Variants in PRIM2 observed in about 807,000 individuals in gnomAD.
PRIM2 encodes the protein DNA primase subunit 2, also known as DNA primase large subunit.
In PRIM2, 39 loss-of-function variants were observed where a neutral mutation model predicts 67.3. The ratio of observed to expected loss-of-function variants is 0.58; its 90% CI spans 0.45 to 0.76. The LOEUF (loss-of-function observed/expected upper bound fraction) is 0.76, where lower values mean the gene tolerates loss of function less well. Ranked by LOEUF, PRIM2 falls within the 30% of genes least tolerant of loss-of-function variation. PRIM2 has a pLI of 0.00. For synonymous variants in PRIM2, 143 were observed against 198.7 expected (o/e 0.72, Z 2.36); for missense variants, 398 against 598.7 (o/e 0.66, Z 3.50).
chr6:57,607,077 C>T (rs1776577189), intron 12 of PRIM2, among the ~76,000 whole-genome samples: 2 of 152,146 alleles, frequency 1.3e-5, no homozygotes, highest in Non-Finnish European at 2.9e-5. Flanking sequence ...AGTGTGCTTT[C>T]AAGTTGACTG....
intron 10 of PRIM2, among the ~76,000 whole-genome samples, chr6:57,582,938 T>A (rs1220010295): frequency 1.8e-5 from 1 of 55,828 alleles, no homozygotes; most frequent in African/African-American, 7.3e-5. Context: ...CCCTCCCCCC[T>A]CCCCCCACCC....
chr6:57,546,733 A>G (rs1165866253), intron 10 of PRIM2, among the ~76,000 whole-genome samples: 4 of 152,062 alleles, frequency 2.6e-5, no homozygotes, highest in Non-Finnish European at 4.4e-5. Flanking sequence ...ATTTAGATGC[A>G]TATTATACTT....
At chr6:57,548,315 C>A (rs1260179188) in intron 10 of PRIM2, among the ~76,000 whole-genome samples, 7 of 151,972 alleles carry the variant, frequency 4.6e-5, no homozygotes, top group African/African-American at 1.7e-4. Flanking sequence ...TCTTAGCATA[C>A]AAGAAAATGG....
the PRIM2 span, among the ~76,000 whole-genome samples, chr6:57,271,908 G>A: frequency 6.6e-6 from 1 of 152,176 alleles, no homozygotes; most frequent in Admixed American, 6.5e-5. Flanking sequence ...TCAGGAGCAG[G>A]TTGTTCAGTT....
chr6:57,366,633 G>A (rs1025856684), intron 5 of PRIM2, among the ~76,000 whole-genome samples: 2 of 152,100 alleles, frequency 1.3e-5, no homozygotes, highest in African/African-American at 4.8e-5. Context: ...GAAAGTGGAT[G>A]TTGTGATGTC....
In PRIM2 at chr6:57,318,383, T is replaced by A. The variant is rs1311433593; in HGVS notation, c.-9-54T>A. 1.2e-5 allele frequency: 18 copies of A among 1,485,424 alleles called. No homozygotes were observed. In the East Asian group the frequency reaches 2.8e-4, roughly 23 times the overall value. 92.0% of individuals were successfully genotyped at this position (1,485,424 alleles called of 1,614,324 possible). ...TATTTTTTCGTGTTTTTTCTTTTTT[T>A]TCCCCCAACTTTGTTTTCCATCATT... On this transcript the variant is annotated intron_variant, in intron 1 of 13. Transcript: ENST00000615550.
chr6:57,430,635 G>GT (rs1309674554), intron 7 of PRIM2, among the ~76,000 whole-genome samples: 1 of 151,322 alleles, frequency 6.6e-6, no homozygotes, highest in Non-Finnish European at 1.5e-5. Flanking sequence ...ATATTTTTGT[G>GT]TTTTTAATAG....
At chr6:57,555,978 ACT>A (rs1257520965) in intron 10 of PRIM2, among the ~76,000 whole-genome samples, 11 of 152,176 alleles carry the variant, frequency 7.2e-5, no homozygotes, top group African/African-American at 2.7e-4. Flanking sequence ...TATTTATTAA[ACT>A]CTGTCTGTAT....
At chr6:57,457,845 G>T (rs1429031959) in intron 7 of PRIM2, among the ~76,000 whole-genome samples, 3 of 152,282 alleles carry the variant, frequency 2.0e-5, no homozygotes, top group Non-Finnish European at 2.9e-5. Context: ...TACCTCGGTT[G>T]GAAACGCAGA....
intron 10 of PRIM2, among the ~76,000 whole-genome samples, chr6:57,595,207 T>C (rs1159937891): frequency 6.6e-6 from 1 of 152,198 alleles, no homozygotes; most frequent in African/African-American, 2.4e-5. Context: ...ATTCCACTTC[T>C]ATGTATTTAT....
chr6:57,325,930 A>G lies in PRIM2; in HGVS notation c.344A>G (p.Glu115Gly), dbSNP rs763625290. 2 of 1,595,858 alleles carry G rather than the reference A, an allele frequency of 1.3e-6. No individual in the cohort carries two copies. The highest frequency in any genetic ancestry group is 1.7e-6 in the Non-Finnish European group (2 of 1,171,808). The change falls in exon 5 of 14, where the codon GAA (glutamate) becomes GGA (glycine). Residue 115 changes from glutamate to glycine, a missense_variant. Glu to Gly is a moderately conservative substitution (Grantham distance 98). Coordinates refer to ENST00000615550, the MANE Select transcript of PRIM2 (RefSeq NM_000947.5). ...ILRLAYCQSE[E>G]LRRWFIQQEM... ...AATTTCTGTCTTCATTTCAGTGAAG[A>G]ACTTAGACGCTGGTTCATTCAACAA...
chr6:57,559,973 C>A (rs1379943097), intron 10 of PRIM2, among the ~76,000 whole-genome samples: 3 of 152,178 alleles, frequency 2.0e-5, no homozygotes, highest in East Asian at 3.9e-4. Context: ...GTGGCTCTTA[C>A]AATTTCTTAA....
rs1358036537 is a variant in PRIM2, at chr6:57,552,887, C to T, written c.1020+15262C>T. 8.7e-4 allele frequency among the ~76,000 whole-genome samples: 132 copies of T among 152,048 alleles called. 1 individual carries two copies. The highest frequency in any genetic ancestry group is 2.8e-3 in the African/African-American group (115 of 41,484). On this transcript the variant is annotated intron_variant, in intron 10 of 13. Coordinates refer to ENST00000615550, the MANE Select transcript of PRIM2 (RefSeq NM_000947.5). ...TTGTACGAAGAAACCCCTTGTTTTC[C>T]GTAGTCTTTCAAAACAACACTGTGA...
the PRIM2 span, among the ~76,000 whole-genome samples, chr6:57,260,396 A>G: frequency 0.021 from 3,206 of 152,332 alleles, 35 homozygotes; most frequent in Middle Eastern, 0.037. Context: ...TTCCAAATGC[A>G]TGGTGGGGGT....
rs2397258 is a variant in PRIM2 at position 57,389,346 on chromosome 6, T to C, written c.693+7178T>C. Among the ~76,000 whole-genome samples, 191 of 152,284 alleles carry C rather than the reference T, an allele frequency of 1.3e-3. 5 individuals carry two copies. The East Asian group carries it at 0.016, about 13-fold the overall frequency. On this transcript the variant is annotated intron_variant, in intron 7 of 13. Transcript: ENST00000615550. ...CCTGGGTTGGTCTAGAACTCCTGTG[T>C]TCAAGTGATCCTTCTACCTGAGCCT...
At chr6:57,265,306 C>T in the PRIM2 span, among the ~76,000 whole-genome samples, 1 of 152,124 alleles carries the variant, frequency 6.6e-6, no homozygotes, top group Non-Finnish European at 1.5e-5. Context: ...CGACTCTTAC[C>T]TTTTATTTGG....
At chr6:57,321,611 G>A (rs1767659534) in intron 3 of PRIM2, among the ~76,000 whole-genome samples, 1 of 152,126 alleles carries the variant, frequency 6.6e-6, no homozygotes, top group Non-Finnish European at 1.5e-5. Context: ...CAGGATAGTA[G>A]TGTCATAGAA....
At chr6:57,289,703 C>T in the PRIM2 span, among the ~76,000 whole-genome samples, 11 of 152,288 alleles carry the variant, frequency 7.2e-5, no homozygotes, top group South Asian at 2.1e-3. Context: ...TCCAGCCAAA[C>T]TAAGCTTCAT....
At chr6:57,480,981 T>C (rs1773611562) in intron 7 of PRIM2, among the ~76,000 whole-genome samples, 1 of 152,238 alleles carries the variant, frequency 6.6e-6, no homozygotes, top group Non-Finnish European at 1.5e-5. Flanking sequence ...TATATAACTT[T>C]TAACTTTTTA....
Sources: gnomAD v4.1 joint callset for allele counts (sites outside exome capture counted in the v4.1 genomes callset) on GRCh38, gnomAD v4.1.1 for gene constraint, MANE v1.5 for transcripts, NCBI Gene and HGNC (gene_info 2026-07-23, HGNC 2026-07-21) for gene names.